SLC25A48: variants seen among roughly 807,000 people sequenced by gnomAD.
SLC25A48 encodes the protein solute carrier family 25 member 48.
A neutral mutation model predicts 32.2 loss-of-function variants in SLC25A48; 29 were observed. The ratio of observed to expected loss-of-function variants is 0.90; its 90% CI spans 0.67 to 1.23. SLC25A48 has a LOEUF of 1.23. Among genes scored for constraint, SLC25A48 ranks in the 50% most tolerant of loss-of-function variants. The probability of loss-of-function intolerance (pLI) is 0.00; values close to 1 mark genes in which losing one functional copy is unlikely to be tolerated. For synonymous variants in SLC25A48, 164 were observed against 172.3 expected (o/e 0.95, Z 0.38); for missense variants, 399 against 422.7 (o/e 0.94, Z 0.49).
chr5:135,701,747 T>C (rs1468001264), intron 3 of SLC25A48, among the ~76,000 whole-genome samples: 1 of 152,188 alleles, frequency 6.6e-6, no homozygotes, highest in Non-Finnish European at 1.5e-5. Context: ...ATTCCTCATA[T>C]GTGGCTGGAT....
At chr5:135,690,622 G>A (rs573789735) in intron 3 of SLC25A48, among the ~76,000 whole-genome samples, 2 of 152,168 alleles carry the variant, frequency 1.3e-5, no homozygotes, top group African/African-American at 4.8e-5. Flanking sequence ...GCCATCAGCT[G>A]AGCCCTCCCT....
intron 3 of SLC25A48, among the ~76,000 whole-genome samples, chr5:135,736,201 C>T (rs1755356166): frequency 2.6e-5 from 4 of 152,050 alleles, no homozygotes; most frequent in Non-Finnish European, 5.9e-5. Context: ...GCATTGGGTA[C>T]AGAGACTAGG....
intron 4 of SLC25A48, among the ~76,000 whole-genome samples, chr5:135,867,628 A>C (rs866318188): frequency 6.6e-6 from 1 of 152,196 alleles, no homozygotes; most frequent in African/African-American, 2.4e-5. Flanking sequence ...GCTATCTTAT[A>C]CTGGTCATAG....
chr5:135,858,851 G>T (rs1760549292), intron 4 of SLC25A48, among the ~76,000 whole-genome samples: 1 of 152,178 alleles, frequency 6.6e-6, no homozygotes, highest in South Asian at 2.1e-4. Flanking sequence ...TCCAAGGGTT[G>T]GGTGTGAATT....
chr5:135,764,420 A>G (rs1482193595), intron 3 of SLC25A48, among the ~76,000 whole-genome samples: 1 of 151,894 alleles, frequency 6.6e-6, no homozygotes, highest in African/African-American at 2.4e-5. Flanking sequence ...ATGGTTCGTA[A>G]TATCCAGGAG....
intron 3 of SLC25A48, among the ~76,000 whole-genome samples, chr5:135,659,929 C>T (rs1043021969): frequency 1.3e-5 from 2 of 152,198 alleles, no homozygotes; most frequent in Non-Finnish European, 2.9e-5. Flanking sequence ...ACCAGGTGTC[C>T]CACCCACCTT....
chr5:135,764,743 G>T (rs1756161917), intron 3 of SLC25A48, among the ~76,000 whole-genome samples: 1 of 150,440 alleles, frequency 6.6e-6, no homozygotes, highest in Non-Finnish European at 1.5e-5. Context: ...TATCACGGGG[G>T]GTGCACACCC....
upstream of SLC25A48, among the ~76,000 whole-genome samples, chr5:135,832,573 T>C (rs748262697): frequency 1.3e-5 from 2 of 152,090 alleles, no homozygotes; most frequent in Non-Finnish European, 2.9e-5. Context: ...TTGCTTCCTG[T>C]AGAACGATGG....
intron 5 of SLC25A48, 157 bp downstream of exon 5, chr5:135,871,875 C>G (rs376595150): frequency 1.7e-5 from 25 of 1,506,282 alleles, no homozygotes; most frequent in Admixed American, 8.9e-5. Context: ...GTCCCCGGCC[C>G]TCTCCCACCT....
intron 3 of SLC25A48, among the ~76,000 whole-genome samples, chr5:135,652,081 C>A (rs11738518): frequency 0.43 from 65,606 of 152,036 alleles, 14,770 homozygotes; most frequent in Middle Eastern, 0.5. Context: ...CTCAATGGGA[C>A]CATGAACAAA....
chr5:135,662,952 G>A (rs1490630472), intron 3 of SLC25A48, among the ~76,000 whole-genome samples: 13 of 152,044 alleles, frequency 8.6e-5, no homozygotes, highest in African/African-American at 2.2e-4. Flanking sequence ...CACTGCCTTC[G>A]GAGCAATTCT....
intron 3 of SLC25A48, among the ~76,000 whole-genome samples, chr5:135,695,578 C>T (rs563619223): frequency 1.3e-5 from 2 of 152,128 alleles, no homozygotes; most frequent in South Asian, 2.1e-4. Context: ...CTCCCTTCAG[C>T]CCCTGCTCAA....
intron 3 of SLC25A48, among the ~76,000 whole-genome samples, chr5:135,738,279 G>T (rs1367129801): frequency 6.6e-6 from 1 of 152,126 alleles, no homozygotes; most frequent in African/African-American, 2.4e-5. Flanking sequence ...GATGGCCAGG[G>T]TGGCTCTGTG....
chr5:135,654,456 A>G (rs531509170), intron 3 of SLC25A48, among the ~76,000 whole-genome samples: 16 of 152,306 alleles, frequency 1.1e-4, no homozygotes, highest in Non-Finnish European at 2.1e-4. Flanking sequence ...ATTCAAACTT[A>G]TGTAAGTGGG....
At chr5:135,624,912 G>A (rs1006141102) in intron 1 of SLC25A48, among the ~76,000 whole-genome samples, 1 of 152,210 alleles carries the variant, frequency 6.6e-6, no homozygotes, top group African/African-American at 2.4e-5. Flanking sequence ...ACAATGAAGT[G>A]ATGTGGTTTC....
At chr5:135,774,610 A>G (rs950867047) in intron 3 of SLC25A48, among the ~76,000 whole-genome samples, 1 of 151,744 alleles carries the variant, frequency 6.6e-6, no homozygotes, top group Admixed American at 6.6e-5. Context: ...TATTGTTCCT[A>G]TTATCCAGAG....
intron 3 of SLC25A48, among the ~76,000 whole-genome samples, chr5:135,752,979 C>T (rs937221693): frequency 2.6e-5 from 4 of 151,734 alleles, no homozygotes; most frequent in Admixed American, 6.6e-5. Context: ...CAGGGGTTTA[C>T]GCACACATGG....
Position 135,871,687 on chromosome 5 carries a change from C to G in SLC25A48, c.648C>G (p.Pro216=), listed in dbSNP as rs1350922195. 1 of 1,613,872 alleles carries G rather than the reference C, an allele frequency of 6.2e-7. No homozygotes were observed. Among genetic ancestry groups the G allele is most frequent in the Admixed American group, 1.7e-5 (1 of 60,016 alleles). Residue 216 remains proline, a synonymous_variant, in exon 5 of 8, where the codon CCC becomes CCG. Coordinates refer to ENST00000681962, the MANE Select transcript of SLC25A48 (RefSeq NM_001349336.2). ...ITPEACTGPS[P]CAVWLAGGMA... ...CTGAGGCCTGCACAGGCCCCAGCCC[C>G]TGTGCCGTGTGGCTGGCGGGCGGCA...
chr5:135,730,498 T>A (rs1755198480), intron 3 of SLC25A48, among the ~76,000 whole-genome samples: 1 of 152,230 alleles, frequency 6.6e-6, no homozygotes, highest in Admixed American at 6.5e-5. Flanking sequence ...GTAAGTCCAA[T>A]TAAACCTCTT....
Sources: allele counts gnomAD v4.1 joint callset (sites outside exome capture counted in the v4.1 genomes callset), GRCh38; gene constraint gnomAD v4.1.1; transcripts MANE v1.5; gene names NCBI Gene and HGNC (gene_info 2026-07-23, HGNC 2026-07-21).